Variants in AFAP1L2 observed in about 807,000 individuals in gnomAD.
AFAP1L2 encodes the protein actin filament-associated protein 1-like 2.
In AFAP1L2, 46 loss-of-function variants were observed where a neutral mutation model predicts 99.3. The observed-to-expected ratio is 0.46, with a 90% CI of 0.37 to 0.59. AFAP1L2 has a LOEUF of 0.59. Among genes scored for constraint, AFAP1L2 ranks in the 20% least tolerant of loss-of-function variants. AFAP1L2 has a pLI of 0.00. For missense variants in AFAP1L2, 959 were observed against 1,034.9 expected, an observed-to-expected ratio of 0.93 and a Z score of 1.01; for synonymous variants, 397 against 419.1, an observed-to-expected ratio of 0.95 and a Z score of 0.64.
At chr10:114,305,399 A>G (rs2042042901) in intron 10 of AFAP1L2, among the ~76,000 whole-genome samples, 2 of 98,940 alleles carry the variant, frequency 2.0e-5, no homozygotes, top group African/African-American at 3.8e-5. Context: ...GCAGGAGGGG[A>G]CGGCGCTGCA....
At chr10:114,317,782 C>A (rs975949566) in intron 5 of AFAP1L2, among the ~76,000 whole-genome samples, 2 of 152,088 alleles carry the variant, frequency 1.3e-5, no homozygotes, top group African/African-American at 2.4e-5. Flanking sequence ...TGGCTTGAGC[C>A]CAGGAGGCGA....
intron 1 of AFAP1L2, among the ~76,000 whole-genome samples, chr10:114,374,060 C>A (rs891834453): frequency 4.6e-5 from 7 of 152,098 alleles, no homozygotes; most frequent in Non-Finnish European, 7.4e-5. Flanking sequence ...AACACACAGC[C>A]CCATAAGCTA....
chr10:114,356,367 G>A (rs929723252), intron 1 of AFAP1L2, among the ~76,000 whole-genome samples: 1 of 152,024 alleles, frequency 6.6e-6, no homozygotes, highest in African/African-American at 2.4e-5. Flanking sequence ...AAAACTTCTG[G>A]TTTCCAAGAA....
At chr10:114,351,115 C>T (rs984086636) in intron 1 of AFAP1L2, among the ~76,000 whole-genome samples, 2 of 152,036 alleles carry the variant, frequency 1.3e-5, no homozygotes, top group African/African-American at 2.4e-5. Flanking sequence ...GGGGGTCACT[C>T]GAGTTCACAT....
intron 13 of AFAP1L2, 117 bp from the exon 14 acceptor site, chr10:114,300,807 TC>T: frequency 2.9e-6 from 4 of 1,391,996 alleles, no homozygotes; most frequent in Non-Finnish European, 3.9e-6. Flanking sequence ...CCAAGAGATC[TC>T]CCTCCCTGCT....
chr10:114,370,630 C>T (rs2053963257), intron 1 of AFAP1L2, among the ~76,000 whole-genome samples: 1 of 152,206 alleles, frequency 6.6e-6, no homozygotes, highest in Admixed American at 6.5e-5. Flanking sequence ...ACCTAAATGC[C>T]AGAGAGCTGG....
chr10:114,331,815 C>T lies in AFAP1L2; in HGVS notation c.303G>A (p.Pro101=), dbSNP rs751435525. 55 of 1,388,586 alleles carry T rather than the reference C, an allele frequency of 4.0e-5. No homozygotes were observed. The highest frequency in any genetic ancestry group is 4.6e-5 in the Non-Finnish European group (49 of 1,063,772). The allele number at this position is 1,388,586 out of a possible 1,614,324, so 86.0% of individuals were successfully genotyped here. A position where few individuals can be genotyped will look rare whatever the true frequency, so the allele number is the denominator to read the frequency against. The change falls in exon 4 of 19, where the codon CCG becomes CCA. Residue 101 remains proline, a synonymous_variant. Transcript: ENST00000304129. ...AACTGATGCTTACCATCTTGGGTGG[C>T]GGGAGGTCTGGAAGGCTCTTCTGAG... is the stretch of plus-strand genomic sequence containing the variant. ...SAPQKSLPDL[P]PPKMIPERKQ...
chr10:114,352,883 A>G (rs1168300668), intron 1 of AFAP1L2, among the ~76,000 whole-genome samples: 1 of 152,240 alleles, frequency 6.6e-6, no homozygotes, highest in Non-Finnish European at 1.5e-5. Flanking sequence ...TTGCCCTAGA[A>G]GGAATAATCC....
intron 2 of AFAP1L2, among the ~76,000 whole-genome samples, chr10:114,339,184 C>T (rs1308021688): frequency 6.6e-6 from 1 of 152,240 alleles, no homozygotes; most frequent in Non-Finnish European, 1.5e-5. Flanking sequence ...TTAGGCCGGG[C>T]GCGGTGGCTC....
chr10:114,286,516 G>A, the AFAP1L2 span: 18 of 1,556,202 alleles, frequency 1.2e-5, no homozygotes, highest in Middle Eastern at 3.4e-4. Context: ...GGCCAGGTAA[G>A]GTCCCAGTGC....
At chr10:114,301,697 C>G in intron 12 of AFAP1L2, 3 of 557,824 alleles carry the variant, frequency 5.4e-6, no homozygotes, top group Non-Finnish European at 9.7e-6. Flanking sequence ...ACAAGCTTCC[C>G]TTGCCCATAC....
rs745638107 is a variant in AFAP1L2 at position 114,340,623 on chromosome 10, C to T, written c.125G>A (p.Arg42Gln). ...CTCACTGCTGCTTTTGGTGTAAAGC[C>T]GGAGGAGCTCCGCCAGGCAGCTCTT... The part of the protein sequence containing the change: ...VKKSCLAELL[R>Q]LYTKSSSSDE... Residue 42 changes from arginine to glutamine, a missense_variant, in exon 2 of 19, where the codon CGG becomes CAG. By Grantham distance (43) the Arg-to-Gln change is conservative. Transcript: ENST00000304129. 4.1e-5 allele frequency: 66 copies of T among 1,614,142 alleles called. 1 individual carries two copies. The Middle Eastern group carries it at 2.1e-3, about 52-fold the overall frequency.
At chr10:114,310,952 G>GCCCCCC (rs1554887399) in intron 7 of AFAP1L2, among the ~76,000 whole-genome samples, 25 of 133,826 alleles carry the variant, frequency 1.9e-4, no homozygotes, top group Non-Finnish European at 2.6e-4. Context: ...CTCGCCTGCC[G>GCCCCCC]CCACCCACCC....
At chr10:114,382,842 G>A (rs761921355) in intron 1 of AFAP1L2, among the ~76,000 whole-genome samples, 2 of 151,934 alleles carry the variant, frequency 1.3e-5, no homozygotes, top group Non-Finnish European at 2.9e-5. Flanking sequence ...TGATCCGCTC[G>A]CCTCAGCCTC....
At chr10:114,361,286 G>C (rs7906024) in intron 1 of AFAP1L2, among the ~76,000 whole-genome samples, 14,747 of 152,084 alleles carry the variant, frequency 0.097, 1,856 homozygotes, top group African/African-American at 0.29. Context: ...TTCTCTTCTG[G>C]TGGAATCACA....
intron 2 of AFAP1L2, among the ~76,000 whole-genome samples, chr10:114,339,197 G>A (rs985885972): frequency 1.3e-5 from 2 of 152,350 alleles, no homozygotes; most frequent in Non-Finnish European, 2.9e-5. Context: ...GGTGGCTCAC[G>A]CCTGTAATCC....
chr10:114,304,094 T>C (rs1413867070), intron 11 of AFAP1L2, among the ~76,000 whole-genome samples: 1 of 152,058 alleles, frequency 6.6e-6, no homozygotes, highest in Non-Finnish European at 1.5e-5. Context: ...TGGGAAGCAA[T>C]TGCGATGTGG....
At chr10:114,340,183 A>AAAAAAAAATAC (rs1491044112) in intron 2 of AFAP1L2, among the ~76,000 whole-genome samples, 1 of 178 alleles carries the variant, frequency 5.6e-3, no homozygotes, top group Non-Finnish European at 0.042. Context: ...AAAAAATACA[A>AAAAAAAAATAC]AAAAAAAAAA....
At position 114,375,413 on chromosome 10, in the gene AFAP1L2, A is replaced by G. The variant is rs1489527638; in HGVS notation, c.16+29027T>C. Among the ~76,000 whole-genome samples, 3 of 152,248 alleles carry G rather than the reference A, an allele frequency of 2.0e-5. No individual in the cohort carries two copies. In the East Asian group the frequency reaches 5.8e-4, roughly 29 times the overall value. ...TCAAGGTTATCTTTCAGGAACTACTACTATAGCCAGAGAGAATACAAATGT... is the reference window on the plus strand; with the variant it reads ...TCAAGGTTATCTTTCAGGAACTACTGCTATAGCCAGAGAGAATACAAATGT... On this transcript the variant is annotated intron_variant, in intron 1 of 18. Coordinates refer to ENST00000304129, the MANE Select transcript of AFAP1L2 (RefSeq NM_001001936.3).
Sources: gnomAD v4.1 joint callset for allele counts (sites outside exome capture counted in the v4.1 genomes callset) on GRCh38, gnomAD v4.1.1 for gene constraint, MANE v1.5 for transcripts, NCBI Gene and HGNC (gene_info 2026-07-23, HGNC 2026-07-21) for gene names.